The following KDM5B variants were observed in gnomAD, a reference collection of about 807,000 sequenced individuals.
KDM5B encodes the protein lysine-specific demethylase 5B.
Under a neutral mutation model 193.4 loss-of-function variants are expected in KDM5B, and 144 were observed. The observed-to-expected ratio is 0.74, with a 90% confidence interval of 0.65 to 0.86. The LOEUF is 0.86. Ranked by LOEUF, KDM5B falls within the 40% of genes least tolerant of loss-of-function variation. The pLI, the probability that KDM5B is intolerant of heterozygous loss-of-function variation, is 0.00. For synonymous variants in KDM5B, 668 were observed against 682.6 expected (o/e 0.98, Z 0.33); for missense variants, 1,833 against 1,886.9 (o/e 0.97, Z 0.53).
At chr1:202,734,785 A>C (rs989807016) in intron 22 of KDM5B, among the ~76,000 whole-genome samples, 2 of 152,234 alleles carry the variant, frequency 1.3e-5, no homozygotes, top group Non-Finnish European at 2.9e-5. Context: ...GAGGTCTGGC[A>C]GCTACAAAGA....
intron 1 of KDM5B, among the ~76,000 whole-genome samples, chr1:202,803,541 G>C (rs1658161242): frequency 6.6e-6 from 1 of 151,986 alleles, no homozygotes; most frequent in South Asian, 2.1e-4. Context: ...AGACATTTGT[G>C]GCCTAGGTGC....
At chr1:202,768,926 C>A (rs1656589287) in intron 4 of KDM5B, among the ~76,000 whole-genome samples, 1 of 151,728 alleles carries the variant, frequency 6.6e-6, no homozygotes, top group Non-Finnish European at 1.5e-5. Flanking sequence ...CATGTTGAGG[C>A]TGGTCTCAAA....
intron 4 of KDM5B, among the ~76,000 whole-genome samples, chr1:202,770,320 A>C (rs376616609): frequency 3.3e-5 from 5 of 152,298 alleles, no homozygotes; most frequent in African/African-American, 1.2e-4. Flanking sequence ...ATGATGATGC[A>C]AGATTGAGGC....
chr1:202,741,617 C>G lies in KDM5B; in HGVS notation c.2695G>C (p.Glu899Gln). 1 of 1,614,214 alleles carries G rather than the reference C, an allele frequency of 6.2e-7. No individual in the cohort carries two copies. Among genetic ancestry groups the G allele is most frequent in the East Asian group, 2.2e-5 (1 of 44,886 alleles). ...ELQDLLDVSF[E>Q]FDVELPQLAE... ...AGCTGTGGAAGTTCAACATCAAATT[C>G]AAAGCTGACATCTAGCAAGTCCTGC... Residue 899 changes from glutamate (E) to glutamine (Q), a missense_variant, in exon 19 of 27, where the codon GAA becomes CAA. Transcript: ENST00000367265.
chr1:202,769,771 T>A (rs1368239484), intron 4 of KDM5B, among the ~76,000 whole-genome samples: 1 of 151,740 alleles, frequency 6.6e-6, no homozygotes, highest in African/African-American at 2.4e-5. Context: ...GTATAGAACA[T>A]TGCCTTCTAT....
intron 1 of KDM5B, among the ~76,000 whole-genome samples, chr1:202,807,745 G>A (rs1453085229): frequency 1.5e-5 from 2 of 137,448 alleles, no homozygotes; most frequent in Non-Finnish European, 3.1e-5. Flanking sequence ...CCTCCAGCCC[G>A]CGCCTCCGCC....
rs577069388 is a variant in KDM5B, at chr1:202,736,278, G to C, written c.3199C>G (p.Gln1067Glu). Reference protein sequence around the residue: ...PRLETLVAEVQAWKECAVNTF... With the variant: ...PRLETLVAEVEAWKECAVNTF... ...TTAACAGCACATTCTTTCCAAGCCT[G>C]AACCTCAGCTACTAGGGTTTCCAGT... The change falls in exon 21 of 27, where the codon CAG becomes GAG. Residue 1067 changes from glutamine (Q) to glutamate (E), a missense_variant. This residue lies in a region of KDM5B where 1,379 missense variants were observed against 1,349.6 expected (regional missense o/e 1.02). Transcript: ENST00000367265. The C allele has an allele frequency of 5.3e-5, 85 of 1,612,420 alleles. No homozygotes were observed. The highest frequency in any genetic ancestry group is 6.7e-5 in the Admixed American group (4 of 59,672).
Position 202,807,470 on chromosome 1 carries a change from G to A in KDM5B, c.204+632C>T, listed in dbSNP as rs372476534. ...CGCTGGCCGCCCCCTTCTTGACCCC[G>A]GCCCGGGGGACACCTGGAGGCCCGG... On this transcript the variant is annotated intron_variant, in intron 1 of 26. Transcript: ENST00000367265. 6.5e-5 allele frequency among the ~76,000 whole-genome samples: 9 copies of A among 137,894 alleles called. 1 individual carries two copies. In the South Asian group the frequency reaches 2.1e-3, roughly 32 times the overall value. The allele number at this position is 137,894 out of a possible 152,430, so 90.5% of individuals were successfully genotyped here. A position where few individuals can be genotyped will look rare whatever the true frequency, so the allele number is the denominator to read the frequency against.
At position 202,729,154 on chromosome 1, in the gene KDM5B, T is replaced by C; in HGVS notation, c.4517A>G (p.Asp1506Gly). 1 of 1,614,126 alleles carries C rather than the reference T, an allele frequency of 6.2e-7. No homozygotes were observed. Among genetic ancestry groups the C allele is most frequent in the South Asian group, 1.1e-5 (1 of 91,088 alleles). Residue 1506 changes from aspartate (D) to glycine (G), a missense_variant, in exon 27 of 27, where the codon GAT (aspartate) becomes GGT (glycine). By Grantham distance (94) the Asp-to-Gly change is moderately conservative. This residue lies in a region of KDM5B where 1,379 missense variants were observed against 1,349.6 expected (regional missense o/e 1.02). Transcript: ENST00000367265. ...EGDEVDWVQC[D>G]GSCNQWFHQV... ...ATGAAACCACTGATTGCAGCTGCCA[T>C]CACACTGGACCCAGTCCACCTGGTT... is the stretch of plus-strand genomic sequence containing the variant.
In KDM5B at chr1:202,730,005, C is replaced by T. The variant is rs369676761; in HGVS notation, c.4199G>A (p.Arg1400Gln). 2.5e-5 allele frequency: 41 copies of T among 1,611,308 alleles called. No individual in the cohort carries two copies. The highest frequency in any genetic ancestry group is 1.6e-4 in the Middle Eastern group (1 of 6,072). Residue 1400 changes from arginine (R) to glutamine (Q), a missense_variant, in exon 26 of 27, where the codon CGA becomes CAA. By Grantham distance (43) the Arg-to-Gln change is conservative. This residue lies in a region of KDM5B where 1,379 missense variants were observed against 1,349.6 expected (regional missense o/e 1.02). Coordinates refer to ENST00000367265, the MANE Select transcript of KDM5B (RefSeq NM_006618.5). Reference sequence around the variant, plus strand: ...TCTCTCAAGACTGTTAATTCCATCTCGCTTCCCTCGGCAACAGTCATTCTG... The same window carrying T: ...TCTCTCAAGACTGTTAATTCCATCTTGCTTCCCTCGGCAACAGTCATTCTG... ...SEKNDCCRGK[R>Q]DGINSLERKL...
chr1:202,793,190 G>A (rs1423122838), intron 1 of KDM5B, among the ~76,000 whole-genome samples: 2 of 152,136 alleles, frequency 1.3e-5, no homozygotes, highest in Admixed American at 1.3e-4. Flanking sequence ...AGTCTCTCAA[G>A]CTCAGTTTGT....
intron 1 of KDM5B, among the ~76,000 whole-genome samples, chr1:202,803,236 C>T (rs1024606467): frequency 4.1e-4 from 63 of 152,200 alleles, no homozygotes; most frequent in Admixed American, 3.1e-3. Flanking sequence ...CTACTCATTT[C>T]GCTCTTTTAA....
chr1:202,775,880 ATAT>A (rs1342732302), intron 2 of KDM5B, among the ~76,000 whole-genome samples: 4,790 of 62,184 alleles, frequency 0.077, 277 homozygotes, highest in East Asian at 0.2. Flanking sequence ...AAAAAAAAAA[ATAT>A]ATATATATAT....
chr1:202,741,950 T>TC (rs397804799), intron 18 of KDM5B, among the ~76,000 whole-genome samples: 13 of 151,934 alleles, frequency 8.6e-5, no homozygotes, highest in South Asian at 2.1e-4. Context: ...TTTTTTTTTT[T>TC]CTGCAACCTC....
intron 14 of KDM5B, among the ~76,000 whole-genome samples, chr1:202,748,492 C>T (rs1655653229): frequency 6.9e-6 from 1 of 144,874 alleles, no homozygotes; most frequent in Non-Finnish European, 1.5e-5. Context: ...AAAACATTAG[C>T]AAAACACCTA....
At chr1:202,754,414 A>C (rs1331554583) in intron 11 of KDM5B, among the ~76,000 whole-genome samples, 2 of 152,188 alleles carry the variant, frequency 1.3e-5, no homozygotes, top group Non-Finnish European at 1.5e-5. Context: ...GAAGAGTTTA[A>C]AAAGTAAAGA....
At chr1:202,772,037 T>G (rs1179214299) in intron 4 of KDM5B, among the ~76,000 whole-genome samples, 3 of 152,220 alleles carry the variant, frequency 2.0e-5, no homozygotes, top group Non-Finnish European at 4.4e-5. Flanking sequence ...AAAAATCTAC[T>G]GGATTTAAGC....
At chr1:202,773,798 C>T (rs1051541710) in intron 3 of KDM5B, among the ~76,000 whole-genome samples, 2 of 151,244 alleles carry the variant, frequency 1.3e-5, no homozygotes, top group African/African-American at 2.4e-5. Context: ...AGTGCAATGG[C>T]GCAATCTCGG....
intron 1 of KDM5B, among the ~76,000 whole-genome samples, chr1:202,799,381 C>T (rs1657983082): frequency 6.6e-6 from 1 of 152,150 alleles, no homozygotes; most frequent in Non-Finnish European, 1.5e-5. Flanking sequence ...AACCCGGGCG[C>T]GGTGGCTCGC....
Sources: allele counts gnomAD v4.1 joint callset (sites outside exome capture counted in the v4.1 genomes callset), GRCh38; gene constraint gnomAD v4.1.1; regional missense constraint gnomAD v4.1.1; transcripts MANE v1.5; gene names NCBI Gene and HGNC (gene_info 2026-07-23, HGNC 2026-07-21).